SH3BGRL: variants seen among roughly 807,000 people sequenced by gnomAD.
SH3BGRL encodes SH3 domain binding glutamate rich protein like.
In SH3BGRL, 7 loss-of-function variants were observed where a neutral mutation model predicts 9.8. That is an observed-to-expected ratio of 0.72 (90% CI 0.41 to 1.35). The LOEUF (loss-of-function observed/expected upper bound fraction) is 1.35. SH3BGRL is among the 40% of genes most tolerant of loss of function. The probability of loss-of-function intolerance (pLI) is 0.01; values close to 1 mark genes in which losing one functional copy is unlikely to be tolerated. For synonymous variants in SH3BGRL, 36 were observed against 29.1 expected, an observed-to-expected ratio of 1.24 and a Z score of -0.76; for missense variants, 73 against 84.4, an observed-to-expected ratio of 0.86 and a Z score of 0.53.
chrX:81,217,554 A>G (rs1245721024), intron 1 of SH3BGRL, among the ~76,000 whole-genome samples: 2 of 111,463 alleles, frequency 1.8e-5, no homozygotes, highest in African/African-American at 6.5e-5. Context: ...ATGTATTTGT[A>G]TAGTTTTGAG....
In SH3BGRL at chrX:81,257,979, A is replaced by G. The variant is rs140765707; in HGVS notation, c.46-19005A>G. ...ATCCCCATAATCTCATGATCCCAAC[A>G]CAGTTCAATGAGTCTCCTGAGCAAG... is the stretch of plus-strand genomic sequence containing the variant. On this transcript the variant is annotated intron_variant, in intron 1 of 3. Transcript: ENST00000373212. Among the ~76,000 whole-genome samples the G allele has an allele frequency of 5.5e-3, 608 of 111,381 alleles. 2 individuals are homozygous for G. The highest frequency in any genetic ancestry group is 8.5e-3 in the Non-Finnish European group (451 of 52,998).
chrX:81,297,450 G>T lies in SH3BGRL; in HGVS notation c.*223G>T. ...TATTAACATAAAATTATATTAATAA[G>T]TAGATATCGTAGAAATAGTGTTGTT... On this transcript the variant is annotated 3_prime_UTR_variant, in exon 4 of 4. Coordinates refer to ENST00000373212, the MANE Select transcript of SH3BGRL (RefSeq NM_003022.3). 3.2e-6 allele frequency: 1 copy of T among 314,734 alleles called. No homozygotes were observed. Among genetic ancestry groups the T allele is most frequent in the Non-Finnish European group, 5.6e-6 (1 of 179,394 alleles). 25.9% of individuals were successfully genotyped at this position (314,734 alleles called of 1,213,427 possible).
intron 3 of SH3BGRL, among the ~76,000 whole-genome samples, chrX:81,290,264 G>A (rs1359406414): frequency 8.9e-6 from 1 of 112,122 alleles, no homozygotes; most frequent in Non-Finnish European, 1.9e-5. Context: ...ATATCAAAGA[G>A]ATATCTGCAA....
chrX:81,236,430 C>T (rs1057369049), intron 1 of SH3BGRL, among the ~76,000 whole-genome samples: 18 of 111,597 alleles, frequency 1.6e-4, no homozygotes, highest in African/African-American at 3.6e-4. Flanking sequence ...GACTAGTAAA[C>T]GACTCAGTGT....
rs75250563 is a variant in SH3BGRL at position 81,290,582 on chromosome X, G to T, written c.313-6613G>T. On this transcript the variant is annotated intron_variant, in intron 3 of 3. Transcript: ENST00000373212. Reference sequence around the variant, plus strand: ...AAGATGGTTACCAGAGGTTGAGAAAGGTAGTGGGTGATTGAGAAGTGGGTT... The same window carrying T: ...AAGATGGTTACCAGAGGTTGAGAAATGTAGTGGGTGATTGAGAAGTGGGTT... Among the ~76,000 whole-genome samples, 44 of 110,635 alleles carry T rather than the reference G, an allele frequency of 4.0e-4. No homozygotes were observed. The East Asian group carries it at 0.012, about 31-fold the overall frequency.
At chrX:81,295,939 T>A (rs761841082) in intron 3 of SH3BGRL, among the ~76,000 whole-genome samples, 2 of 111,507 alleles carry the variant, frequency 1.8e-5, no homozygotes, top group Non-Finnish European at 1.9e-5. Flanking sequence ...TTTTCAGGTA[T>A]CTTTATAGTA....
At chrX:81,268,581 G>A (rs185686807) in intron 1 of SH3BGRL, among the ~76,000 whole-genome samples, 144 of 111,601 alleles carry the variant, frequency 1.3e-3, no homozygotes, top group African/African-American at 4.7e-3. Context: ...GGTCTGAGAG[G>A]CAGTTTGTTG....
chrX:81,245,942 A>G (rs2075687066), intron 1 of SH3BGRL, among the ~76,000 whole-genome samples: 1 of 112,173 alleles, frequency 8.9e-6, no homozygotes, highest in South Asian at 3.7e-4. Context: ...TCGCATCAAC[A>G]GCATATAAGC....
At chrX:81,204,850 C>T (rs2075541316) in intron 1 of SH3BGRL, among the ~76,000 whole-genome samples, 1 of 112,051 alleles carries the variant, frequency 8.9e-6, no homozygotes, top group Admixed American at 9.4e-5. Context: ...AAAAAGTGGC[C>T]TAATAGTGAA....
At chrX:81,241,430 G>C (rs1473185838) in intron 1 of SH3BGRL, among the ~76,000 whole-genome samples, 2 of 111,815 alleles carry the variant, frequency 1.8e-5, no homozygotes, top group Non-Finnish European at 3.8e-5. Flanking sequence ...GGAGTCCATG[G>C]CCCAGAGTGA....
intron 1 of SH3BGRL, among the ~76,000 whole-genome samples, chrX:81,229,153 G>T (rs2075625356): frequency 9.0e-6 from 1 of 110,550 alleles, no homozygotes; most frequent in Non-Finnish European, 1.9e-5. Context: ...TGAAATGGGA[G>T]AAGTTCCGTA....
chrX:81,274,593 G>GA lies in SH3BGRL; in HGVS notation c.46-2380dup, dbSNP rs1159496148. 2.9e-3 allele frequency among the ~76,000 whole-genome samples: 291 copies of GA among 99,444 alleles called. 1 individual carries two copies. The highest frequency in any genetic ancestry group is 4.6e-3 in the African/African-American group (125 of 27,412). 86.4% of individuals were successfully genotyped at this position (99,444 alleles called of 115,157 possible). A position where few individuals can be genotyped will look rare whatever the true frequency, so the allele number is the denominator to read the frequency against. On this transcript the variant is annotated intron_variant, in intron 1 of 3. Coordinates refer to ENST00000373212, the MANE Select transcript of SH3BGRL (RefSeq NM_003022.3). ...GGCGACAGAGCTAGACTCTGTCTCA[G>GA]AAAAAAAAAAAGCAATAATTATTTA...
chrX:81,228,652 G>A (rs969161756), intron 1 of SH3BGRL, among the ~76,000 whole-genome samples: 13 of 111,682 alleles, frequency 1.2e-4, no homozygotes, highest in African/African-American at 3.6e-4. Context: ...ACTTTGGAAT[G>A]CCCCTAGCCA....
intron 1 of SH3BGRL, among the ~76,000 whole-genome samples, chrX:81,242,009 G>A (rs138953176): frequency 0.011 from 1,273 of 112,409 alleles, 19 homozygotes; most frequent in African/African-American, 0.038. Context: ...CCCTTGGCAG[G>A]TATGGGATCC....
intron 1 of SH3BGRL, among the ~76,000 whole-genome samples, chrX:81,271,694 T>G (rs1186131357): frequency 9.0e-6 from 1 of 111,190 alleles, no homozygotes; most frequent in Non-Finnish European, 1.9e-5. Flanking sequence ...CCAGGAGAAC[T>G]TCCCCAATCT....
At chrX:81,294,910 A>AGATTT (rs970005280) in intron 3 of SH3BGRL, among the ~76,000 whole-genome samples, 8 of 112,236 alleles carry the variant, frequency 7.1e-5, no homozygotes, top group African/African-American at 2.6e-4. Flanking sequence ...TGGAGCTTTA[A>AGATTT]GATTTGACTG....
At chrX:81,293,720 G>A (rs1268125050) in intron 3 of SH3BGRL, among the ~76,000 whole-genome samples, 1 of 111,896 alleles carries the variant, frequency 8.9e-6, no homozygotes, top group African/African-American at 3.3e-5. Context: ...CTGGGTAACA[G>A]GCAGAGGTTG....
intron 3 of SH3BGRL, among the ~76,000 whole-genome samples, chrX:81,282,408 A>G (rs1434834598): frequency 1.8e-5 from 2 of 111,966 alleles, no homozygotes; most frequent in Non-Finnish European, 3.8e-5. Flanking sequence ...ACTTTCTCCA[A>G]CATAGACCAT....
intron 1 of SH3BGRL, among the ~76,000 whole-genome samples, chrX:81,209,158 C>A (rs1184568367): frequency 9.2e-6 from 1 of 109,195 alleles, no homozygotes; most frequent in African/African-American, 3.3e-5. Context: ...CAGACATGCA[C>A]CACCAGGCCC....
Sources: allele counts gnomAD v4.1 joint callset (sites outside exome capture counted in the v4.1 genomes callset), GRCh38; gene constraint gnomAD v4.1.1; transcripts MANE v1.5; gene names NCBI Gene and HGNC (gene_info 2026-07-23, HGNC 2026-07-21).